RPS6KA3: variants seen among roughly 807,000 people sequenced by gnomAD.
RPS6KA3 encodes ribosomal protein S6 kinase A3, also known as ribosomal protein S6 kinase alpha-3.
Under a neutral mutation model 67.2 loss-of-function variants are expected in RPS6KA3, and 4 were observed. That is an observed-to-expected ratio of 0.06 (90% CI 0.03 to 0.14). The LOEUF is 0.14. Among genes scored for constraint, RPS6KA3 ranks in the 10% least tolerant of loss-of-function variants. The pLI is 1.00. For synonymous variants in RPS6KA3, 182 were observed against 183.7 expected (o/e 0.99, Z 0.07); for missense variants, 204 against 559.0 (o/e 0.36, Z 6.40).
chrX:20,168,762 CAT>C (rs892337488), intron 16 of RPS6KA3, among the ~76,000 whole-genome samples: 4 of 112,455 alleles, frequency 3.6e-5, no homozygotes, highest in African/African-American at 1.3e-4. Flanking sequence ...ACTGTACAAA[CAT>C]ATCTTTATTG....
intron 7 of RPS6KA3, among the ~76,000 whole-genome samples, chrX:20,189,919 A>G (rs1249867950): frequency 8.9e-6 from 1 of 111,784 alleles, no homozygotes; most frequent in African/African-American, 3.2e-5. Flanking sequence ...TTTTATCATA[A>G]GCACCTGTTA....
intron 3 of RPS6KA3, among the ~76,000 whole-genome samples, chrX:20,204,374 A>C (rs2068520950): frequency 8.9e-6 from 1 of 112,020 alleles, no homozygotes; most frequent in Non-Finnish European, 1.9e-5. Flanking sequence ...AAACCCTTTA[A>C]ACTACATATG....
intron 16 of RPS6KA3, among the ~76,000 whole-genome samples, chrX:20,168,762 C>T (rs2067501508): frequency 8.9e-6 from 1 of 112,455 alleles, no homozygotes; most frequent in Non-Finnish European, 1.9e-5. Context: ...ACTGTACAAA[C>T]ATATCTTTAT....
At chrX:20,175,980 C>T (rs983303218) in intron 13 of RPS6KA3, among the ~76,000 whole-genome samples, 2 of 111,384 alleles carry the variant, frequency 1.8e-5, no homozygotes, top group Non-Finnish European at 1.9e-5. Context: ...AAGCGATTCT[C>T]GTGCCTCAGC....
At chrX:20,184,427 C>A (rs1256259709) in intron 10 of RPS6KA3, among the ~76,000 whole-genome samples, 1 of 94,094 alleles carries the variant, frequency 1.1e-5, no homozygotes, top group Non-Finnish European at 2.1e-5. Context: ...GAGACAGGGT[C>A]TCGCTCTTCA....
At chrX:20,198,506 C>T (rs1327563839) in intron 4 of RPS6KA3, among the ~76,000 whole-genome samples, 5 of 112,028 alleles carry the variant, frequency 4.5e-5, no homozygotes, top group African/African-American at 9.7e-5. Flanking sequence ...AAACACCACA[C>T]AACACAACTC....
Position 20,173,199 on chromosome X carries a change from T to C in RPS6KA3, c.1228-328A>G, listed in dbSNP as rs1335949616. Among the ~76,000 whole-genome samples, 3 of 111,450 alleles carry C rather than the reference T, an allele frequency of 2.7e-5. No individual in the cohort carries two copies. The East Asian group carries it at 8.4e-4, about 31-fold the overall frequency. On this transcript the variant is annotated intron_variant, in intron 14 of 21. Transcript: ENST00000379565. Reference sequence around the variant, plus strand: ...TTCCAGTCCCCAGTCGGCTATAGGTTTTCAAGTACCTTTGCAAATGAGAAG... The same window carrying C: ...TTCCAGTCCCCAGTCGGCTATAGGTCTTCAAGTACCTTTGCAAATGAGAAG...
chrX:20,203,089 AAAT>A lies in RPS6KA3; in HGVS notation c.325+930_325+932del, dbSNP rs777508498. ...AACAGAAATAATAAATGATCATTGC[AAAT>A]ATTAGAGAATATTTTCAAAGCTTTA... On this transcript the variant is annotated intron_variant, in intron 4 of 21. Coordinates refer to ENST00000379565, the MANE Select transcript of RPS6KA3 (RefSeq NM_004586.3). Among the ~76,000 whole-genome samples, 223 of 111,929 alleles carry A rather than the reference AAAT, an allele frequency of 2.0e-3. 2 individuals carry two copies. Among genetic ancestry groups the A allele is most frequent in the African/African-American group, 7.0e-3 (216 of 30,803 alleles).
At chrX:20,162,193 G>A (rs1032818707) in intron 19 of RPS6KA3, among the ~76,000 whole-genome samples, 5 of 108,578 alleles carry the variant, frequency 4.6e-5, no homozygotes, top group African/African-American at 1.0e-4. Flanking sequence ...AAAATTAGCC[G>A]GGAGTGATAG....
At chrX:20,211,258 A>G (rs2068706293) in intron 2 of RPS6KA3, among the ~76,000 whole-genome samples, 1 of 111,838 alleles carries the variant, frequency 8.9e-6, no homozygotes, top group African/African-American at 3.2e-5. Flanking sequence ...ATTTACCACT[A>G]GAAATTTGAC....
rs2067127922 is a variant in RPS6KA3 at position 20,152,962 on chromosome X, G to T, written c.*2436C>A. On this transcript the variant is annotated 3_prime_UTR_variant, in exon 22 of 22. Transcript: ENST00000379565. Reference sequence around the variant, plus strand: ...TGATGAGGCGGAAAAAAACAAAATGGGGAGAAGTTAAGGATTCTAGACTTT... The same window carrying T: ...TGATGAGGCGGAAAAAAACAAAATGTGGAGAAGTTAAGGATTCTAGACTTT... 1 of 111,372 alleles carries T rather than the reference G, an allele frequency of 9.0e-6. No individual in the cohort carries two copies. The highest frequency in any genetic ancestry group is 1.9e-5 in the Non-Finnish European group (1 of 53,044). The allele number at this position is 111,372 out of a possible 1,213,427, so 9.2% of individuals were successfully genotyped here.
chrX:20,190,080 G>C (rs1366338630), intron 7 of RPS6KA3, among the ~76,000 whole-genome samples: 1 of 110,638 alleles, frequency 9.0e-6, no homozygotes, highest in Non-Finnish European at 1.9e-5. Context: ...AGTCATTCTC[G>C]GTAATTCTGA....
chrX:20,156,244 C>T lies in RPS6KA3; in HGVS notation c.1965G>A (p.Leu655=). ...GGTCTACATGAAGCATCTTTGACAC[C>T]AGGTCCTGTAATGGGAATAATAAAA... ...WNSVSDTAKD[L]VSKMLHVDPH... Residue 655 remains leucine, a synonymous_variant, in exon 21 of 22, where the codon CTG becomes CTA. Coordinates refer to ENST00000379565, the MANE Select transcript of RPS6KA3 (RefSeq NM_004586.3). 8.3e-7 allele frequency: 1 copy of T among 1,209,970 alleles called. No individual in the cohort carries two copies. Among genetic ancestry groups the T allele is most frequent in the Non-Finnish European group, 1.1e-6 (1 of 893,862 alleles).
intron 10 of RPS6KA3, among the ~76,000 whole-genome samples, chrX:20,183,193 A>C (rs1322098418): frequency 9.0e-6 from 1 of 110,917 alleles, no homozygotes; most frequent in Non-Finnish European, 1.9e-5. Context: ...ATTTTAAAAA[A>C]AATTTTTAAT....
intron 1 of RPS6KA3, among the ~76,000 whole-genome samples, chrX:20,252,669 G>A: frequency 9.0e-6 from 1 of 110,828 alleles, no homozygotes; most frequent in Non-Finnish European, 1.9e-5. Context: ...ATGACAGGGA[G>A]GAGGAAAGCA....
At chrX:20,254,326 G>A (rs2069973621) in intron 1 of RPS6KA3, among the ~76,000 whole-genome samples, 1 of 111,732 alleles carries the variant, frequency 8.9e-6, no homozygotes, top group Non-Finnish European at 1.9e-5. Context: ...TTAGGCCGAG[G>A]AGACTCTAAG....
At chrX:20,230,253 A>G (rs1261278198) in intron 2 of RPS6KA3, among the ~76,000 whole-genome samples, 1 of 112,401 alleles carries the variant, frequency 8.9e-6, no homozygotes, top group Non-Finnish European at 1.9e-5. Context: ...TCACTGCCTC[A>G]TTCAATTCAC....
At chrX:20,225,255 G>GTT (rs1171338918) in intron 2 of RPS6KA3, among the ~76,000 whole-genome samples, 2 of 69,682 alleles carry the variant, frequency 2.9e-5, no homozygotes, top group African/African-American at 5.0e-5. Context: ...TTTTTTTTTT[G>GTT]TTTTTTTTTT....
chrX:20,190,201 G>C (rs1023658839), intron 7 of RPS6KA3, among the ~76,000 whole-genome samples: 2 of 111,580 alleles, frequency 1.8e-5, no homozygotes, highest in Admixed American at 1.9e-4. Flanking sequence ...AAAGTCAACT[G>C]TATCACTCTC....
Sources: allele counts gnomAD v4.1 joint callset (sites outside exome capture counted in the v4.1 genomes callset), GRCh38; gene constraint gnomAD v4.1.1; transcripts MANE v1.5; gene names NCBI Gene and HGNC (gene_info 2026-07-23, HGNC 2026-07-21).